Variants in MIR2052HG observed in about 807,000 individuals in gnomAD.
MIR2052HG encodes the protein MIR2052 host gene.
At chr8:74,717,121 A>G (rs2128742178) in intron 4 of MIR2052HG, among the ~76,000 whole-genome samples, 1 of 152,046 alleles carries the variant, frequency 6.6e-6, no homozygotes, top group East Asian at 1.9e-4. Context: ...TAATTCCCAC[A>G]TGCTTTAGGT....
intron 4 of MIR2052HG, among the ~76,000 whole-genome samples, chr8:74,749,089 A>G (rs994757411): frequency 3.3e-5 from 5 of 152,216 alleles, no homozygotes; most frequent in African/African-American, 1.2e-4. Flanking sequence ...ATAATAATCA[A>G]TGTATCTGCA....
chr8:74,609,473 CCAGA>C (rs1277591377), intron 1 of MIR2052HG, among the ~76,000 whole-genome samples: 1 of 151,666 alleles, frequency 6.6e-6, no homozygotes, highest in Non-Finnish European at 1.5e-5. Context: ...AACACCAAAA[CCAGA>C]CAAAGATATT....
chr8:74,671,532 C>T (rs1019206945), intron 2 of MIR2052HG, among the ~76,000 whole-genome samples: 8 of 151,984 alleles, frequency 5.3e-5, no homozygotes, highest in African/African-American at 4.8e-5. Context: ...AGCTGAGGAT[C>T]CAAAAGTAGA....
chr8:74,653,892 G>C (rs58846390), intron 2 of MIR2052HG, among the ~76,000 whole-genome samples: 13,510 of 152,148 alleles, frequency 0.089, 724 homozygotes, highest in African/African-American at 0.12. Context: ...ATAGAATTAT[G>C]AAGAAATTGT....
chr8:74,627,417 T>G (rs1808451276), intron 2 of MIR2052HG, among the ~76,000 whole-genome samples: 1 of 152,200 alleles, frequency 6.6e-6, no homozygotes, highest in South Asian at 2.1e-4. Flanking sequence ...CCCAAATCAT[T>G]ATTTGAATAA....
intron 5 of MIR2052HG, among the ~76,000 whole-genome samples, chr8:74,753,471 A>G (rs1809969125): frequency 6.6e-6 from 1 of 152,180 alleles, no homozygotes; most frequent in Non-Finnish European, 1.5e-5. Context: ...AGACTGAGAA[A>G]TGTTTCTAGA....
chr8:74,613,298 C>A (rs1808227470), intron 2 of MIR2052HG, among the ~76,000 whole-genome samples: 1 of 152,128 alleles, frequency 6.6e-6, no homozygotes. Context: ...AAGGGTAAGG[C>A]ATACAATGAT....
chr8:74,607,338 A>G (rs1808126796), intron 1 of MIR2052HG, among the ~76,000 whole-genome samples: 1 of 152,220 alleles, frequency 6.6e-6, no homozygotes, highest in Non-Finnish European at 1.5e-5. Context: ...CAGGCCAGGC[A>G]TGGTGGCTCA....
chr8:74,670,581 T>G (rs1031539814), intron 2 of MIR2052HG, among the ~76,000 whole-genome samples: 3 of 152,040 alleles, frequency 2.0e-5, no homozygotes, highest in Non-Finnish European at 4.4e-5. Flanking sequence ...ATCACTAGAG[T>G]TCAGGAGAGA....
chr8:74,616,907 A>T (rs1808290119), intron 2 of MIR2052HG, among the ~76,000 whole-genome samples: 1 of 152,102 alleles, frequency 6.6e-6, no homozygotes, highest in Admixed American at 6.6e-5. Context: ...TTCTGAGGAT[A>T]TGCCACATGC....
At chr8:74,650,584 C>T (rs892432514) in intron 2 of MIR2052HG, among the ~76,000 whole-genome samples, 20 of 151,952 alleles carry the variant, frequency 1.3e-4, no homozygotes, top group African/African-American at 4.1e-4. Context: ...CTGTGTGGTG[C>T]GATAGATGAG....
intron 2 of MIR2052HG, among the ~76,000 whole-genome samples, chr8:74,653,052 AC>A (rs1365105937): frequency 6.6e-6 from 1 of 152,148 alleles, no homozygotes; most frequent in Non-Finnish European, 1.5e-5. Flanking sequence ...CTATACCTAA[AC>A]TTTTTTTTCC....
At chr8:74,691,360 C>T (rs984263091) in intron 2 of MIR2052HG, among the ~76,000 whole-genome samples, 11 of 152,172 alleles carry the variant, frequency 7.2e-5, no homozygotes, top group Admixed American at 1.3e-4. Flanking sequence ...GGCACAGGTG[C>T]TCTGAGGAGT....
chr8:74,709,986 A>G (rs1034519769), intron 4 of MIR2052HG, among the ~76,000 whole-genome samples: 1 of 152,218 alleles, frequency 6.6e-6, no homozygotes, highest in Non-Finnish European at 1.5e-5. Context: ...AACAGTTATC[A>G]GAAATTCTTG....
chr8:74,677,056 A>G (rs1329922722), intron 2 of MIR2052HG, among the ~76,000 whole-genome samples: 1 of 152,092 alleles, frequency 6.6e-6, no homozygotes, highest in Non-Finnish European at 1.5e-5. Context: ...AACTATTTTA[A>G]TATCAACACA....
At chr8:74,697,146 A>G (rs578059226) in intron 2 of MIR2052HG, among the ~76,000 whole-genome samples, 1 of 152,320 alleles carries the variant, frequency 6.6e-6, no homozygotes, top group South Asian at 2.1e-4. Flanking sequence ...AGTGGGTTTC[A>G]TACCAGAGAT....
chr8:74,693,615 G>C (rs1486193416), intron 2 of MIR2052HG, among the ~76,000 whole-genome samples: 1 of 149,924 alleles, frequency 6.7e-6, no homozygotes, highest in East Asian at 2.1e-4. Flanking sequence ...GGGGGCGGGG[G>C]GGGAGGGGTG....
intron 4 of MIR2052HG, among the ~76,000 whole-genome samples, chr8:74,725,882 G>A (rs957578241): frequency 1.4e-5 from 2 of 146,768 alleles, no homozygotes; most frequent in African/African-American, 4.9e-5. Context: ...TTTTGGGGCT[G>A]TTATGAGGAG....
chr8:74,737,561 A>G (rs2128755424), intron 4 of MIR2052HG, among the ~76,000 whole-genome samples: 1 of 152,222 alleles, frequency 6.6e-6, no homozygotes, highest in East Asian at 1.9e-4. Context: ...GCTATTTACT[A>G]TTCACCACTC....
Sources: allele counts gnomAD v4.1 joint callset (sites outside exome capture counted in the v4.1 genomes callset), GRCh38; gene constraint gnomAD v4.1.1; transcripts MANE v1.5; gene names NCBI Gene and HGNC (gene_info 2026-07-23, HGNC 2026-07-21).